The following RTTN variants were observed in gnomAD, a reference collection of about 807,000 sequenced individuals.
RTTN encodes the protein rotatin.
A neutral mutation model predicts 269.2 loss-of-function variants in RTTN; 182 were observed. The observed-to-expected ratio is 0.68, with a 90% CI of 0.60 to 0.76. RTTN has a LOEUF of 0.76. Ranked by LOEUF, RTTN falls within the 30% of genes least tolerant of loss-of-function variation. The probability of loss-of-function intolerance (pLI) is 0.00; values close to 1 mark genes in which losing one functional copy is unlikely to be tolerated. For missense variants in RTTN, 2,545 were observed against 2,608.6 expected (o/e 0.98, Z 0.53); for synonymous variants, 1,006 against 963.5 (o/e 1.04, Z -0.82).
At chr18:70,010,549 G>C (rs916169065) in intron 46 of RTTN, among the ~76,000 whole-genome samples, 2 of 152,172 alleles carry the variant, frequency 1.3e-5, no homozygotes, top group African/African-American at 4.8e-5. Flanking sequence ...AGAGAGCAAA[G>C]ACACAATATA....
chr18:70,140,214 G>A, intron 19 of RTTN, 26 bp from the exon 20 acceptor site: 8 of 1,333,998 alleles, frequency 6.0e-6, no homozygotes, highest in Non-Finnish European at 8.6e-6. Flanking sequence ...GTTACTAAAA[G>A]TTAAAGCACA....
chr18:70,010,701 T>C (rs191619672), intron 46 of RTTN, among the ~76,000 whole-genome samples: 1,871 of 151,854 alleles, frequency 0.012, 23 homozygotes, highest in South Asian at 0.038. Flanking sequence ...AGCAAACAAA[T>C]TCAAAAGCTT....
In RTTN at chr18:70,075,400, A is replaced by T; in HGVS notation, c.4516T>A (p.Leu1506Met). The T allele has an allele frequency of 6.3e-7, 1 of 1,596,114 alleles. No homozygotes were observed. Among genetic ancestry groups the T allele is most frequent in the East Asian group, 2.3e-5 (1 of 44,190 alleles). Residue 1506 changes from leucine (L) to methionine (M), a missense_variant, in exon 33 of 49, where the codon TTG (leucine) becomes ATG (methionine). Coordinates refer to ENST00000640769, the MANE Select transcript of RTTN (RefSeq NM_173630.4). Reference protein sequence around the residue: ...HCYLGRCMFDLNFSAFDRNSE... With the variant: ...HCYLGRCMFDMNFSAFDRNSE... ...TTTCTATCAAAAGCAGAAAAATTCA[A>T]ATCAAACATACACCGTCCTAGGTAA...
intron 14 of RTTN, among the ~76,000 whole-genome samples, chr18:70,153,011 C>T (rs2060578951): frequency 6.6e-6 from 1 of 152,122 alleles, no homozygotes; most frequent in Admixed American, 6.5e-5. Flanking sequence ...TTATACTGCC[C>T]TTCTTTTTGT....
intron 37 of RTTN, 88 bp downstream of exon 37, chr18:70,057,654 C>G (rs1190166820): frequency 1.1e-6 from 1 of 918,284 alleles, no homozygotes; most frequent in Non-Finnish European, 1.7e-6. Context: ...GGTTTTCATC[C>G]TTTTCCTATG....
intron 23 of RTTN, chr18:70,130,808 G>A (rs2059979548): frequency 6.6e-6 from 1 of 151,898 alleles, no homozygotes. Context: ...TCCTAACACA[G>A]AGAATCAATA....
chr18:70,132,440 T>C (rs1024405711), intron 23 of RTTN, among the ~76,000 whole-genome samples: 2 of 151,952 alleles, frequency 1.3e-5, no homozygotes, highest in African/African-American at 4.8e-5. Context: ...ATTAAAATCA[T>C]AGAAAATATT....
chr18:70,059,913 G>A lies in RTTN; in HGVS notation c.4877C>T (p.Thr1626Met), dbSNP rs781683199. The A allele has an allele frequency of 6.5e-5, 105 of 1,613,690 alleles. No individual in the cohort carries two copies. In the Middle Eastern group the frequency reaches 5.3e-3, roughly 81 times the overall value. ...AMCSLLDNLL[T>M]IAPRDTAKAF... is the part of the protein sequence containing the mutation. Reference sequence around the variant, plus strand: ...CTTTGCAGTGTCTCTGGGAGCAATCGTCAAGAGGTTGTCCAAGAGGCTGCA... The same window carrying A: ...CTTTGCAGTGTCTCTGGGAGCAATCATCAAGAGGTTGTCCAAGAGGCTGCA... The change falls in exon 36 of 49, where the codon ACG becomes ATG. Residue 1626 changes from threonine to methionine, a missense_variant. Coordinates refer to ENST00000640769, the MANE Select transcript of RTTN (RefSeq NM_173630.4).
In RTTN at chr18:70,205,240, TAGC is replaced by T. The variant is rs767228045; in HGVS notation, c.104_106del (p.Cys35del). 9 of 1,614,228 alleles carry T rather than the reference TAGC, an allele frequency of 5.6e-6. No individual in the cohort carries two copies. The South Asian group carries it at 9.9e-5, about 18-fold the overall frequency. ...TTGCCTCTCCTGAATGAGATCAGCG[TAGC>T]AGATTAAGTTGTGCTCAATCTTGCA... is the stretch of plus-strand genomic sequence containing the variant. On this transcript the variant is annotated inframe_deletion, in exon 2 of 49. Coordinates refer to ENST00000640769, the MANE Select transcript of RTTN (RefSeq NM_173630.4).
rs1005448820 is a variant in RTTN at position 70,067,146 on chromosome 18, T to C, written c.4654-1224A>G. Among the ~76,000 whole-genome samples, 3 of 146,290 alleles carry C rather than the reference T, an allele frequency of 2.1e-5. No homozygotes were observed. The Admixed American group carries it at 2.2e-4, about 11-fold the overall frequency. The stretch of plus-strand genomic sequence containing the variant: ...ATTAGATCCAGATACTAAGTAAAAA[T>C]AACCTAAAGCTTGTTTATTTTTTTT... On this transcript the variant is annotated intron_variant, in intron 34 of 48. Transcript: ENST00000640769.
In RTTN at chr18:70,006,319, T is replaced by G; in HGVS notation, c.6525+62A>C. 3.4e-6 allele frequency: 4 copies of G among 1,178,296 alleles called. No individual in the cohort carries two copies. In the Admixed American group the frequency reaches 7.0e-5, roughly 20 times the overall value. The allele number at this position is 1,178,296 out of a possible 1,614,324, so 73.0% of individuals were successfully genotyped here. ...ACACCTTTGGATGTATCCTAAGAGTTTATACCTGGGTTATACCTTGTTGTT... is the reference window on the plus strand; with the variant it reads ...ACACCTTTGGATGTATCCTAAGAGTGTATACCTGGGTTATACCTTGTTGTT... On this transcript the variant is annotated intron_variant, in intron 47 of 48. Coordinates refer to ENST00000640769, the MANE Select transcript of RTTN (RefSeq NM_173630.4).
intron 42 of RTTN, among the ~76,000 whole-genome samples, chr18:70,029,177 A>G (rs529562405): frequency 1.6e-4 from 25 of 152,136 alleles, no homozygotes; most frequent in African/African-American, 5.5e-4. Context: ...AAAAAAAAAA[A>G]AAAGAACTGA....
At chr18:70,069,465 T>C (rs996850146) in intron 34 of RTTN, among the ~76,000 whole-genome samples, 2 of 152,190 alleles carry the variant, frequency 1.3e-5, no homozygotes, top group African/African-American at 4.8e-5. Context: ...TTCTAAATTA[T>C]GCTTCAGTGT....
In RTTN at chr18:70,059,897, G is replaced by A; in HGVS notation, c.4893C>T (p.Asp1631=). The A allele has an allele frequency of 1.2e-6, 2 of 1,613,000 alleles. No homozygotes were observed. Among genetic ancestry groups the A allele is most frequent in the Admixed American group, 1.7e-5 (1 of 59,938 alleles). ...LDNLLTIAPR[D]TAKAFRQAHL... ...GAGCTTGTCGAAAAGCCTTTGCAGT[G>A]TCTCTGGGAGCAATCGTCAAGAGGT... Residue 1631 remains aspartate, a synonymous_variant, in exon 36 of 49, where the codon GAC becomes GAT. Coordinates refer to ENST00000640769, the MANE Select transcript of RTTN (RefSeq NM_173630.4).
chr18:70,011,549 TA>T, intron 46 of RTTN, among the ~76,000 whole-genome samples: 1 of 152,278 alleles, frequency 6.6e-6, no homozygotes, highest in East Asian at 1.9e-4. Flanking sequence ...CCTTTCATGC[TA>T]AAAACTCTCA....
intron 9 of RTTN, 150 bp downstream of exon 9, chr18:70,190,388 C>A: frequency 4.0e-6 from 2 of 502,272 alleles, no homozygotes; most frequent in South Asian, 4.7e-5. Flanking sequence ...ATAATAAAGA[C>A]CTTATTAGGT....
intron 12 of RTTN, among the ~76,000 whole-genome samples, chr18:70,168,302 C>T (rs1247424845): frequency 6.6e-6 from 1 of 152,074 alleles, no homozygotes; most frequent in East Asian, 1.9e-4. Flanking sequence ...TGATAACATA[C>T]TAATATTCTA....
chr18:70,086,564 A>G, intron 32 of RTTN, 49 bp downstream of exon 32: 1 of 1,343,518 alleles, frequency 7.4e-7, no homozygotes, highest in Non-Finnish European at 1.0e-6. Flanking sequence ...ATTTATCACC[A>G]ATTAATTTGA....
At chr18:70,142,703 G>A (rs539947941) in intron 18 of RTTN, among the ~76,000 whole-genome samples, 1 of 152,112 alleles carries the variant, frequency 6.6e-6, no homozygotes, top group African/African-American at 2.4e-5. Flanking sequence ...AGCCATTCTG[G>A]CCGGGTGCGA....
Sources: gnomAD v4.1 joint callset for allele counts (sites outside exome capture counted in the v4.1 genomes callset) on GRCh38, gnomAD v4.1.1 for gene constraint, MANE v1.5 for transcripts, NCBI Gene and HGNC (gene_info 2026-07-23, HGNC 2026-07-21) for gene names.